Variants in DOCK5 observed in about 807,000 individuals in gnomAD.
DOCK5 encodes dedicator of cytokinesis 5.
A neutral mutation model predicts 251.8 loss-of-function variants in DOCK5; 142 were observed. The ratio of observed to expected loss-of-function variants is 0.56; its 90% CI spans 0.49 to 0.65. DOCK5 has a LOEUF of 0.65. Ranked by LOEUF, DOCK5 falls within the 30% of genes least tolerant of loss-of-function variation. The probability of loss-of-function intolerance (pLI) is 0.00; values close to 1 mark genes in which losing one functional copy is unlikely to be tolerated. For synonymous variants in DOCK5, 842 were observed against 835.5 expected, an observed-to-expected ratio of 1.01 and a Z score of -0.13; for missense variants, 2,111 against 2,312.3, an observed-to-expected ratio of 0.91 and a Z score of 1.79.
chr8:25,404,239 G>T (rs542785251), intron 48 of DOCK5, among the ~76,000 whole-genome samples: 2 of 152,048 alleles, frequency 1.3e-5, no homozygotes, highest in East Asian at 1.9e-4. Flanking sequence ...TTATATGAAT[G>T]GTAGAATTTT....
intron 1 of DOCK5, among the ~76,000 whole-genome samples, chr8:25,239,009 G>C (rs1202004440): frequency 5.9e-5 from 9 of 152,164 alleles, no homozygotes; most frequent in Non-Finnish European, 1.3e-4. Context: ...AATTGTTGTG[G>C]AATGTCAGAG....
chr8:25,391,387 T>C (rs1484491047), intron 42 of DOCK5, among the ~76,000 whole-genome samples: 1 of 152,102 alleles, frequency 6.6e-6, no homozygotes, highest in African/African-American at 2.4e-5. Flanking sequence ...AATTGTGTGC[T>C]GTGACTTTGA....
intron 51 of DOCK5, among the ~76,000 whole-genome samples, chr8:25,410,970 T>TGC (rs1365127650): frequency 4.8e-4 from 9 of 18,644 alleles, no homozygotes; most frequent in South Asian, 2.0e-3. Flanking sequence ...TGTGTGTGTG[T>TGC]GTGCGCGCGC....
chr8:25,209,954 C>T (rs1380084161), intron 1 of DOCK5, among the ~76,000 whole-genome samples: 1 of 60,684 alleles, frequency 1.6e-5, no homozygotes, highest in African/African-American at 3.9e-5. Context: ...GATCCTCCCC[C>T]CTCAGTCTCT....
chr8:25,394,261 TG>T (rs1801307960), intron 44 of DOCK5, among the ~76,000 whole-genome samples: 1 of 152,072 alleles, frequency 6.6e-6, no homozygotes, highest in Non-Finnish European at 1.5e-5. Context: ...TCCTCAGTTA[TG>T]GATATGAATT....
At chr8:25,241,552 T>G (rs1425685234) in intron 1 of DOCK5, among the ~76,000 whole-genome samples, 1 of 152,134 alleles carries the variant, frequency 6.6e-6, no homozygotes, top group Admixed American at 6.6e-5. Flanking sequence ...ACACTGTTTT[T>G]GGGACTGTAA....
intron 1 of DOCK5, among the ~76,000 whole-genome samples, chr8:25,222,194 T>C (rs946008853): frequency 6.6e-6 from 1 of 152,226 alleles, no homozygotes; most frequent in Non-Finnish European, 1.5e-5. Context: ...TCCTGGCATA[T>C]GATTAATGCT....
intron 40 of DOCK5, among the ~76,000 whole-genome samples, chr8:25,385,611 A>G (rs1801151953): frequency 6.6e-6 from 1 of 152,314 alleles, no homozygotes; most frequent in African/African-American, 2.4e-5. Context: ...CTCCTACCAT[A>G]TACTTGGCTC....
At chr8:25,193,487 G>A (rs1022877935) in intron 1 of DOCK5, among the ~76,000 whole-genome samples, 4 of 151,700 alleles carry the variant, frequency 2.6e-5, no homozygotes, top group African/African-American at 4.8e-5. Context: ...GAGGCCAAAT[G>A]TGGTGGTTCA....
chr8:25,246,318 A>G (rs1803106996), intron 2 of DOCK5, among the ~76,000 whole-genome samples: 1 of 151,984 alleles, frequency 6.6e-6, no homozygotes, highest in Non-Finnish European at 1.5e-5. Context: ...TCTGTCGCCC[A>G]GGTGGAGTGC....
intron 1 of DOCK5, among the ~76,000 whole-genome samples, chr8:25,199,355 C>T (rs539655511): frequency 7.9e-5 from 12 of 151,588 alleles, no homozygotes; most frequent in African/African-American, 2.9e-4. Flanking sequence ...GCGCCTTCTC[C>T]CTCAGCTTCC....
intron 25 of DOCK5, among the ~76,000 whole-genome samples, chr8:25,344,420 G>T (rs2117237349): frequency 6.6e-6 from 1 of 152,292 alleles, no homozygotes; most frequent in African/African-American, 2.4e-5. Context: ...ATTGCCTGGA[G>T]ATCTGAAGAC....
chr8:25,377,574 T>A (rs1314645958), intron 38 of DOCK5, 150 bp downstream of exon 38: 20 of 1,098,750 alleles, frequency 1.8e-5, no homozygotes, highest in Non-Finnish European at 2.5e-5. Flanking sequence ...TCAGATGCCA[T>A]CTTCAAATTT....
chr8:25,194,282 A>C (rs58524679), intron 1 of DOCK5, among the ~76,000 whole-genome samples: 1 of 152,192 alleles, frequency 6.6e-6, no homozygotes, highest in Non-Finnish European at 1.5e-5. Flanking sequence ...TAACAGAGCA[A>C]GACTCTGTCT....
intron 34 of DOCK5, 83 bp downstream of exon 34, chr8:25,369,724 G>A: frequency 8.3e-7 from 1 of 1,205,888 alleles, no homozygotes; most frequent in South Asian, 1.4e-5. Flanking sequence ...CACCAATAGA[G>A]CAATTGAGTA....
intron 26 of DOCK5, among the ~76,000 whole-genome samples, chr8:25,347,180 C>T (rs1008856237): frequency 2.6e-5 from 4 of 152,188 alleles, no homozygotes; most frequent in Non-Finnish European, 5.9e-5. Flanking sequence ...GGGTCCACCA[C>T]CGTTTGACTA....
chr8:25,263,371 A>G (rs1355547792), intron 2 of DOCK5, among the ~76,000 whole-genome samples: 1 of 151,746 alleles, frequency 6.6e-6, no homozygotes, highest in Non-Finnish European at 1.5e-5. Flanking sequence ...ACAGATTAAT[A>G]CCTGTTAATT....
rs150773588 is a variant in DOCK5 at position 25,369,469 on chromosome 8, C to T, written c.3439-87C>T. ...GTGCTGGAAACAGTTCACAACTCAG[C>T]GAATGGGTTGGCCAAGTCTAGAAAG... On this transcript the variant is annotated intron_variant, in intron 33 of 51. Coordinates refer to ENST00000276440, the MANE Select transcript of DOCK5 (RefSeq NM_024940.8). 177 of 1,157,408 alleles carry T rather than the reference C, an allele frequency of 1.5e-4. No individual in the cohort carries two copies. In the African/African-American group the frequency reaches 2.3e-3, roughly 15 times the overall value. 71.7% of individuals were successfully genotyped at this position (1,157,408 alleles called of 1,614,324 possible).
At chr8:25,279,700 C>T (rs550678501) in intron 5 of DOCK5, among the ~76,000 whole-genome samples, 2 of 152,258 alleles carry the variant, frequency 1.3e-5, no homozygotes, top group South Asian at 2.1e-4. Flanking sequence ...TCACTGCAAC[C>T]TCCGCCTCCC....
Sources: allele counts gnomAD v4.1 joint callset (sites outside exome capture counted in the v4.1 genomes callset), GRCh38; gene constraint gnomAD v4.1.1; transcripts MANE v1.5; gene names NCBI Gene and HGNC (gene_info 2026-07-23, HGNC 2026-07-21).